Variants in XKR9 observed in about 807,000 individuals in gnomAD.
The protein encoded by XKR9 is XK related 9.
In XKR9, 32 loss-of-function variants were observed where a neutral mutation model predicts 32.0. That is an observed-to-expected ratio of 1.00 (90% CI 0.76 to 1.34). The LOEUF is 1.34. Ranked by LOEUF, XKR9 falls within the 40% of genes most tolerant of loss-of-function variation. The pLI, the probability that XKR9 is intolerant of heterozygous loss-of-function variation, is 0.00. For missense variants in XKR9, 546 were observed against 429.7 expected, an observed-to-expected ratio of 1.27 and a Z score of -2.39; for synonymous variants, 168 against 143.4, an observed-to-expected ratio of 1.17 and a Z score of -1.22.
chr8:70,988,470 T>C, the XKR9 span, among the ~76,000 whole-genome samples: 7 of 152,138 alleles, frequency 4.6e-5, no homozygotes, highest in Non-Finnish European at 1.0e-4. Flanking sequence ...GTGCTGGAGT[T>C]ATTGTAGCCT....
chr8:71,053,416 T>G, the XKR9 span, among the ~76,000 whole-genome samples: 2 of 152,230 alleles, frequency 1.3e-5, no homozygotes, highest in Non-Finnish European at 2.9e-5. Context: ...AAGTGCAAAG[T>G]GAAACAGATA....
intron 2 of XKR9, among the ~76,000 whole-genome samples, chr8:70,775,694 G>C (rs1292982936): frequency 6.6e-6 from 1 of 151,292 alleles, no homozygotes; most frequent in African/African-American, 2.4e-5. Flanking sequence ...GATTTAATTG[G>C]CTTGCACTTT....
chr8:70,757,795 C>G (rs1309326334), intron 2 of XKR9, among the ~76,000 whole-genome samples: 1 of 152,166 alleles, frequency 6.6e-6, no homozygotes, highest in African/African-American at 2.4e-5. Flanking sequence ...CCATGTTGGT[C>G]AGGCTGGTCT....
the XKR9 span, among the ~76,000 whole-genome samples, chr8:70,832,153 T>G: frequency 6.6e-6 from 1 of 152,182 alleles, no homozygotes; most frequent in Admixed American, 6.5e-5. Flanking sequence ...AATGAATACA[T>G]TGCTCTACTC....
At chr8:70,781,099 A>G (rs2130252135) in intron 2 of XKR9, 1 of 152,238 alleles carries the variant, frequency 6.6e-6, no homozygotes, top group East Asian at 1.9e-4. Context: ...AAAAAATTAT[A>G]ACCATCCTAG....
chr8:70,818,371 T>C, the XKR9 span, among the ~76,000 whole-genome samples: 2 of 152,310 alleles, frequency 1.3e-5, no homozygotes, highest in Admixed American at 6.5e-5. Flanking sequence ...GCAGCACTTA[T>C]CTTAGCTTAT....
chr8:70,876,528 G>T, the XKR9 span, among the ~76,000 whole-genome samples: 1 of 151,984 alleles, frequency 6.6e-6, no homozygotes, highest in Non-Finnish European at 1.5e-5. Flanking sequence ...GCAAAAAATG[G>T]TCCTTAGCTT....
chr8:70,715,523 A>G (rs982690822), intron 4 of XKR9, among the ~76,000 whole-genome samples: 1 of 152,152 alleles, frequency 6.6e-6, no homozygotes, highest in African/African-American at 2.4e-5. Context: ...AACAATATTG[A>G]TTAGCCTTAA....
chr8:70,699,407 G>C (rs1416173267), intron 3 of XKR9, among the ~76,000 whole-genome samples: 5 of 151,962 alleles, frequency 3.3e-5, no homozygotes, highest in Non-Finnish European at 5.9e-5. Context: ...GCATTTGCTT[G>C]TCTGTAAAGT....
the XKR9 span, among the ~76,000 whole-genome samples, chr8:71,051,195 T>C: frequency 5.9e-5 from 9 of 152,320 alleles, no homozygotes; most frequent in Middle Eastern, 0.01. Flanking sequence ...CTGTGTCATG[T>C]TAAGGTTATT....
chr8:70,958,202 T>C, the XKR9 span, among the ~76,000 whole-genome samples: 3 of 152,210 alleles, frequency 2.0e-5, no homozygotes, highest in Non-Finnish European at 2.9e-5. Context: ...TTTCTATTCC[T>C]TTGAGTATAT....
At chr8:70,770,530 G>C (rs1053760340) in intron 2 of XKR9, among the ~76,000 whole-genome samples, 5 of 152,198 alleles carry the variant, frequency 3.3e-5, no homozygotes, top group African/African-American at 1.2e-4. Context: ...TCTTCCTCCA[G>C]GTGCTCTGTC....
rs565340940 is a variant in XKR9, at chr8:70,750,024, T to G, written n.353-39315T>G. ...TGTATAAATGCGTGTGTGTGTGTGGTGTGTGTATGCATGAATGCACTTATG... is the reference window on the plus strand; with the variant it reads ...TGTATAAATGCGTGTGTGTGTGTGGGGTGTGTATGCATGAATGCACTTATG... On this transcript the variant is annotated intron_variant and non_coding_transcript_variant, in intron 2 of 3. Transcript: ENST00000520273. Among the ~76,000 whole-genome samples, 885 of 152,278 alleles carry G rather than the reference T, an allele frequency of 5.8e-3. 8 individuals carry two copies. The highest frequency in any genetic ancestry group is 7.5e-3 in the Non-Finnish European group (513 of 68,018).
the XKR9 span, among the ~76,000 whole-genome samples, chr8:70,963,787 T>A: frequency 6.6e-6 from 1 of 152,242 alleles, no homozygotes; most frequent in Admixed American, 6.5e-5. Flanking sequence ...TGTCTGTTCA[T>A]GTCCTTTGCC....
At chr8:70,935,273 C>T in the XKR9 span, among the ~76,000 whole-genome samples, 1 of 150,260 alleles carries the variant, frequency 6.7e-6, no homozygotes, top group East Asian at 2.0e-4. Context: ...ATATATTTAT[C>T]TAGAATGTAT....
the XKR9 span, among the ~76,000 whole-genome samples, chr8:70,962,267 A>G: frequency 1.3e-5 from 2 of 152,138 alleles, no homozygotes; most frequent in African/African-American, 4.8e-5. Context: ...TATGTGGATT[A>G]GTTACTGGGT....
At chr8:70,725,919 C>T (rs1806452147) in intron 4 of XKR9, among the ~76,000 whole-genome samples, 1 of 151,738 alleles carries the variant, frequency 6.6e-6, no homozygotes, top group African/African-American at 2.4e-5. Flanking sequence ...AACAACAAAA[C>T]AACAACAAAA....
chr8:70,926,834 G>A, the XKR9 span, among the ~76,000 whole-genome samples: 12 of 152,198 alleles, frequency 7.9e-5, no homozygotes, highest in South Asian at 2.1e-4. Flanking sequence ...GGAGTCAGGC[G>A]ACCCAGGAAA....
At chr8:70,792,583 C>T (rs1807778108), downstream of XKR9, among the ~76,000 whole-genome samples, 2 of 152,042 alleles carry the variant, frequency 1.3e-5, no homozygotes, top group Admixed American at 1.3e-4. Flanking sequence ...GGAACACTGA[C>T]ATAAGAAGCA....
Sources: gnomAD v4.1 joint callset for allele counts (sites outside exome capture counted in the v4.1 genomes callset) on GRCh38, gnomAD v4.1.1 for gene constraint, MANE v1.5 for transcripts, NCBI Gene and HGNC (gene_info 2026-07-23, HGNC 2026-07-21) for gene names.